NPEPL1: variants seen among roughly 807,000 people sequenced by gnomAD.
The protein encoded by NPEPL1 is aminopeptidase like 1.
A neutral mutation model predicts 52.4 loss-of-function variants in NPEPL1; 45 were observed. That is an observed-to-expected ratio of 0.86 (90% CI 0.68 to 1.10). The LOEUF is 1.10. Ranked by LOEUF, NPEPL1 falls within the 50% of genes least tolerant of loss-of-function variation. NPEPL1 has a pLI of 0.00. For synonymous variants in NPEPL1, 360 were observed against 314.7 expected (o/e 1.14, Z -1.52); for missense variants, 696 against 710.9 (o/e 0.98, Z 0.24).
chr20:58,692,348 G>A (rs2084365793), upstream of NPEPL1: 1 of 155,196 alleles, frequency 6.4e-6, no homozygotes, highest in African/African-American at 2.4e-5. The surrounding 1 kb of genome is among the most constrained non-coding windows in gnomAD (Gnocchi z 5.7). Context: ...CCTGACTCAG[G>A]TCCAAGAGTC....
upstream of NPEPL1, chr20:58,692,531 AGGCCCGTCC>A (rs976731348): frequency 6.6e-6 from 1 of 151,928 alleles, no homozygotes; most frequent in Non-Finnish European, 1.5e-5. The surrounding 1 kb of genome is among the most constrained non-coding windows in gnomAD (Gnocchi z 5.7). Context: ...ACTGGAGGCC[AGGCCCGTCC>A]GGGAGGCGCT....
chr20:58,708,941 A>G (rs964845211), intron 7 of NPEPL1, among the ~76,000 whole-genome samples: 1 of 151,190 alleles, frequency 6.6e-6, no homozygotes, highest in Non-Finnish European at 1.5e-5. Flanking sequence ...ACCCCTGGTT[A>G]CTCCTCCAAC....
chr20:58,707,118 C>A lies in NPEPL1; in HGVS notation c.823-5C>A. ...TTTGTCCTGGTCCCTTTGTACCACC[C>A]GCAGACTACCATGCCGGGGATGAAG... On this transcript the variant is annotated splice_polypyrimidine_tract_variant and splice_region_variant and intron_variant, in intron 6 of 11. Coordinates refer to ENST00000356091, the MANE Select transcript of NPEPL1 (RefSeq NM_024663.4). The A allele has an allele frequency of 6.4e-7, 1 of 1,551,126 alleles. No homozygotes were observed. The highest frequency in any genetic ancestry group is 8.7e-7 in the Non-Finnish European group (1 of 1,147,106).
intron 5 of NPEPL1, among the ~76,000 whole-genome samples, chr20:58,700,447 G>A (rs1442827638): frequency 6.6e-6 from 1 of 152,216 alleles, no homozygotes; most frequent in Non-Finnish European, 1.5e-5. Context: ...AGGATGAGTT[G>A]GAGTTTGTCA....
At chr20:58,695,192 T>G (rs1007905061) in intron 3 of NPEPL1, among the ~76,000 whole-genome samples, 2 of 30,366 alleles carry the variant, frequency 6.6e-5, no homozygotes, top group African/African-American at 2.6e-4. Flanking sequence ...TGTTGTTGTG[T>G]GTGAGTACTG....
At position 58,698,782 on chromosome 20, in the gene NPEPL1, C is replaced by T. The variant is rs772520232; in HGVS notation, c.597+9C>T. 35 of 1,610,604 alleles carry T rather than the reference C, an allele frequency of 2.2e-5. No homozygotes were observed. Among genetic ancestry groups the T allele is most frequent in the South Asian group, 3.3e-5 (3 of 91,058 alleles). On this transcript the variant is annotated intron_variant, in intron 4 of 11. Transcript: ENST00000356091. ...CCGACACCTTCCTCGAGGTTTGTGG[C>T]GTCATCAGGCCGGGGGTGGGACCAG...
rs1601144418 is a variant in NPEPL1 at position 58,715,625 on chromosome 20, G to A, written c.*299G>A. 3.8e-6 allele frequency: 1 copy of A among 263,370 alleles called. No individual in the cohort carries two copies. The highest frequency in any genetic ancestry group is 5.4e-5 in the South Asian group (1 of 18,676). 16.3% of individuals were successfully genotyped at this position (263,370 alleles called of 1,614,324 possible). Reference sequence around the variant, plus strand: ...CGGGGTGAGGCCTCCTGCCTGCCTGGTGCCCTGTCCCAGCCCCAGGTCCTG... The same window carrying A: ...CGGGGTGAGGCCTCCTGCCTGCCTGATGCCCTGTCCCAGCCCCAGGTCCTG... On this transcript the variant is annotated 3_prime_UTR_variant, in exon 12 of 12. Coordinates refer to ENST00000356091, the MANE Select transcript of NPEPL1 (RefSeq NM_024663.4).
intron 6 of NPEPL1, among the ~76,000 whole-genome samples, chr20:58,706,210 G>A (rs1476004181): frequency 6.6e-6 from 1 of 152,102 alleles, no homozygotes; most frequent in Non-Finnish European, 1.5e-5. Context: ...TTAACCAGGA[G>A]GTGTGAACTA....
chr20:58,714,770 T>A (rs1191520058), intron 11 of NPEPL1, 100 bp downstream of exon 11: 1 of 954,526 alleles, frequency 1.0e-6, no homozygotes, highest in Admixed American at 2.3e-5. Flanking sequence ...CATCAGAAAC[T>A]TCTGTCTGTG....
At chr20:58,707,961 A>G (rs908387532) in intron 7 of NPEPL1, among the ~76,000 whole-genome samples, 8 of 152,178 alleles carry the variant, frequency 5.3e-5, no homozygotes, top group Admixed American at 5.2e-4. Flanking sequence ...GCGCACCTGT[A>G]GTCTCAGCTA....
chr20:58,710,869 T>A (rs1457375134), intron 7 of NPEPL1: 1 of 152,504 alleles, frequency 6.6e-6, no homozygotes, highest in Non-Finnish European at 1.5e-5. Context: ...CAGCACTGTT[T>A]GCCCCAGGAC....
rs775890044 is a variant in NPEPL1, at chr20:58,698,783, G to A, written c.597+10G>A. The A allele has an allele frequency of 3.4e-5, 55 of 1,610,690 alleles. 1 individual carries two copies. Among genetic ancestry groups the A allele is most frequent in the East Asian group, 1.8e-4 (8 of 44,824 alleles). Reference sequence around the variant, plus strand: ...CGACACCTTCCTCGAGGTTTGTGGCGTCATCAGGCCGGGGGTGGGACCAGG... The same window carrying A: ...CGACACCTTCCTCGAGGTTTGTGGCATCATCAGGCCGGGGGTGGGACCAGG... On this transcript the variant is annotated intron_variant, in intron 4 of 11. Transcript: ENST00000356091.
chr20:58,698,365 A>C (rs1463593394), intron 3 of NPEPL1, among the ~76,000 whole-genome samples: 5 of 152,064 alleles, frequency 3.3e-5, no homozygotes, highest in South Asian at 4.1e-4. Context: ...AGCTGGAATC[A>C]GGGGAGAAAC....
upstream of NPEPL1, chr20:58,691,697 T>TTTTTTTTTTTTTTTTTTTTTTG: frequency 1.1e-5 from 2 of 177,762 alleles, no homozygotes; most frequent in Non-Finnish European, 1.8e-5. Context: ...TCTTTTCTTT[T>TTTTTTTTTTTTTTTTTTTTTTG]TTTTTTTTTT....
At chr20:58,694,809 C>T (rs2084428248) in intron 3 of NPEPL1, among the ~76,000 whole-genome samples, 1 of 152,226 alleles carries the variant, frequency 6.6e-6, no homozygotes. Flanking sequence ...CTGTTGTATA[C>T]AGGCAGTGTT....
chr20:58,691,401 T>TTTTTTTGGGGG, upstream of NPEPL1: 1 of 435,092 alleles, frequency 2.3e-6, no homozygotes, highest in East Asian at 4.6e-5. Flanking sequence ...TTTTTTTTTT[T>TTTTTTTGGGGG]GAGTGCCTGC....
intron 6 of NPEPL1, 72 bp from the exon 7 acceptor site, chr20:58,707,051 G>T (rs113224784): frequency 6.9e-7 from 1 of 1,458,342 alleles, no homozygotes; most frequent in Non-Finnish European, 9.4e-7. Flanking sequence ...CCGGGTGGGG[G>T]TGGGGGGCTT....
At chr20:58,698,819 T>A in intron 4 of NPEPL1, 46 bp downstream of exon 4, 1 of 1,519,182 alleles carries the variant, frequency 6.6e-7, no homozygotes, top group Non-Finnish European at 9.1e-7. Context: ...CTGGGGTGGG[T>A]GTCATAGACT....
chr20:58,695,684 C>T (rs2084473559), intron 3 of NPEPL1, among the ~76,000 whole-genome samples: 1 of 152,218 alleles, frequency 6.6e-6, no homozygotes, highest in Admixed American at 6.5e-5. Flanking sequence ...CTCTCTGAGG[C>T]CTGTAACCAC....
Sources: allele counts gnomAD v4.1 joint callset (sites outside exome capture counted in the v4.1 genomes callset), GRCh38; gene constraint gnomAD v4.1.1; non-coding constraint Gnocchi (gnomAD v3.1); transcripts MANE v1.5; gene names NCBI Gene and HGNC (gene_info 2026-07-23, HGNC 2026-07-21).